Variants in HS6ST3 observed in about 807,000 individuals in gnomAD.
HS6ST3 encodes heparan-sulfate 6-O-sulfotransferase 3.
A neutral mutation model predicts 36.7 loss-of-function variants in HS6ST3; 12 were observed. The observed-to-expected ratio is 0.33, with a 90% confidence interval of 0.21 to 0.53. HS6ST3 has a LOEUF of 0.53. Ranked by LOEUF, HS6ST3 falls within the 20% of genes least tolerant of loss-of-function variation. The pLI is 0.95. For missense variants in HS6ST3, 584 were observed against 640.9 expected, an observed-to-expected ratio of 0.91 and a Z score of 0.96; for synonymous variants, 240 against 257.5, an observed-to-expected ratio of 0.93 and a Z score of 0.65.
chr13:96,223,572 G>A (rs1399406651), intron 1 of HS6ST3, among the ~76,000 whole-genome samples: 1 of 152,054 alleles, frequency 6.6e-6, no homozygotes, highest in Non-Finnish European at 1.5e-5. Flanking sequence ...GGATGGACCA[G>A]AGCAATTGCT....
chr13:96,453,322 ATCCC>A (rs2055738984), intron 1 of HS6ST3, among the ~76,000 whole-genome samples: 1 of 152,104 alleles, frequency 6.6e-6, no homozygotes, highest in Non-Finnish European at 1.5e-5. Context: ...GTAATTTGTT[ATCCC>A]TCACCCCTCT....
chr13:96,308,806 T>C (rs989424703), intron 1 of HS6ST3, among the ~76,000 whole-genome samples: 1 of 152,112 alleles, frequency 6.6e-6, no homozygotes, highest in African/African-American at 2.4e-5. Flanking sequence ...ATTCTATCCA[T>C]GACAATTTGC....
intron 1 of HS6ST3, among the ~76,000 whole-genome samples, chr13:96,175,024 A>T (rs1299209970): frequency 6.6e-6 from 1 of 152,158 alleles, no homozygotes; most frequent in African/African-American, 2.4e-5. Flanking sequence ...ATTAAGTGAA[A>T]TGTATTCTTG....
chr13:96,829,984 C>A (rs113455554), intron 1 of HS6ST3, among the ~76,000 whole-genome samples: 1 of 152,046 alleles, frequency 6.6e-6, no homozygotes, highest in East Asian at 1.9e-4. Context: ...TATTTTTAAA[C>A]TTTACAATAA....
intron 1 of HS6ST3, among the ~76,000 whole-genome samples, chr13:96,658,252 TTCTTC>T (rs1448520414): frequency 6.8e-6 from 1 of 147,514 alleles, no homozygotes; most frequent in African/African-American, 2.5e-5. Flanking sequence ...CTTCTTCTTC[TTCTTC>T]TCTTCTTCTT....
At chr13:96,488,417 C>T (rs1293237084) in intron 1 of HS6ST3, among the ~76,000 whole-genome samples, 1 of 152,084 alleles carries the variant, frequency 6.6e-6, no homozygotes, top group East Asian at 1.9e-4. Context: ...TTATTTAAAT[C>T]ATGCACTGGT....
chr13:96,645,555 C>A lies in HS6ST3; in HGVS notation c.708-186935C>A, dbSNP rs146219571. Among the ~76,000 whole-genome samples, 96 of 151,426 alleles carry A rather than the reference C, an allele frequency of 6.3e-4. No homozygotes were observed. In the East Asian group the frequency reaches 9.0e-3, roughly 14 times the overall value. On this transcript the variant is annotated intron_variant, in intron 1 of 1. Transcript: ENST00000376705. ...AGAGAGCCTGAACATGCATTGAAAT[C>A]TCCATAAGTGTGTTTGACCTTATTA...
At chr13:96,800,557 A>T (rs769790069) in intron 1 of HS6ST3, among the ~76,000 whole-genome samples, 25 of 152,206 alleles carry the variant, frequency 1.6e-4, no homozygotes, top group Non-Finnish European at 2.9e-4. Flanking sequence ...GGTAAAAAAT[A>T]TATAAGACTT....
intron 1 of HS6ST3, among the ~76,000 whole-genome samples, chr13:96,691,069 A>C (rs1415750860): frequency 6.6e-6 from 1 of 152,134 alleles, no homozygotes; most frequent in Non-Finnish European, 1.5e-5. Flanking sequence ...GAGAGTAATA[A>C]ATCAAAACAC....
intron 1 of HS6ST3, among the ~76,000 whole-genome samples, chr13:96,808,549 C>T (rs149203813): frequency 1.5e-4 from 23 of 152,270 alleles, no homozygotes; most frequent in African/African-American, 4.6e-4. Flanking sequence ...TGGATAGACA[C>T]GTGACTTGAA....
intron 1 of HS6ST3, among the ~76,000 whole-genome samples, chr13:96,142,386 A>G (rs1036741754): frequency 3.9e-5 from 6 of 152,216 alleles, no homozygotes; most frequent in Non-Finnish European, 5.9e-5. Context: ...ACTTTTCCCA[A>G]AGAACTAACA....
intron 1 of HS6ST3, among the ~76,000 whole-genome samples, chr13:96,097,011 A>C (rs2053794505): frequency 6.6e-6 from 1 of 152,204 alleles, no homozygotes; most frequent in Non-Finnish European, 1.5e-5. Context: ...TGATTTGTTC[A>C]TTACCGAGTC....
At chr13:96,123,815 T>G (rs2053937955) in intron 1 of HS6ST3, among the ~76,000 whole-genome samples, 1 of 152,166 alleles carries the variant, frequency 6.6e-6, no homozygotes, top group African/African-American at 2.4e-5. Flanking sequence ...ATCTATACCT[T>G]AATTTTCACA....
intron 1 of HS6ST3, among the ~76,000 whole-genome samples, chr13:96,211,535 G>C (rs567477689): frequency 4.3e-4 from 66 of 152,322 alleles, no homozygotes; most frequent in African/African-American, 1.6e-3. Context: ...CCAATTTTCA[G>C]AGCACAGAGC....
chr13:96,169,945 A>G (rs1385312928), intron 1 of HS6ST3: 3 of 152,256 alleles, frequency 2.0e-5, no homozygotes, highest in African/African-American at 7.2e-5. Flanking sequence ...TGTTTAAATC[A>G]GTCTGTTTTG....
chr13:96,828,574 T>C (rs1878700984), intron 1 of HS6ST3, among the ~76,000 whole-genome samples: 1 of 152,208 alleles, frequency 6.6e-6, no homozygotes, highest in African/African-American at 2.4e-5. Flanking sequence ...ACCAAGATAA[T>C]CTTGGGCAGC....
chr13:96,690,192 T>G (rs553236), intron 1 of HS6ST3, among the ~76,000 whole-genome samples: 149,912 of 152,190 alleles, frequency 0.99, 73,872 homozygotes, highest in Middle Eastern at 1. Context: ...AAATAGAAAC[T>G]TAAAGGAAAA....
At chr13:96,178,430 C>T (rs2054222668) in intron 1 of HS6ST3, among the ~76,000 whole-genome samples, 1 of 152,114 alleles carries the variant, frequency 6.6e-6, no homozygotes, top group East Asian at 1.9e-4. Context: ...ACTGCTTTTT[C>T]AAATGCCAAA....
At position 96,512,537 on chromosome 13, in the gene HS6ST3, C is replaced by T. The variant is rs575081089; in HGVS notation, c.708-319953C>T. ...GCATTGAAGAGTATGAAGTATCCAT[C>T]TATTGTGGGTGTTTTTTTTGTTGTT... On this transcript the variant is annotated intron_variant, in intron 1 of 1. Coordinates refer to ENST00000376705, the MANE Select transcript of HS6ST3 (RefSeq NM_153456.4). 3.2e-3 allele frequency among the ~76,000 whole-genome samples: 490 copies of T among 152,210 alleles called. 1 individual carries two copies. The highest frequency in any genetic ancestry group is 5.2e-3 in the Admixed American group (79 of 15,284).
Sources: gnomAD v4.1 joint callset for allele counts (sites outside exome capture counted in the v4.1 genomes callset) on GRCh38, gnomAD v4.1.1 for gene constraint, MANE v1.5 for transcripts, NCBI Gene and HGNC (gene_info 2026-07-23, HGNC 2026-07-21) for gene names.